The following TATDN2 variants were observed in gnomAD, a reference collection of about 807,000 sequenced individuals.
TATDN2 encodes the protein TatD DNase domain containing 2.
In TATDN2, 44 loss-of-function variants were observed where a neutral mutation model predicts 60.3. The observed-to-expected ratio is 0.73, with a 90% confidence interval of 0.57 to 0.94. TATDN2 has a LOEUF of 0.94. TATDN2 is among the 40% of genes least tolerant of loss of function. The pLI is 0.00. For missense variants in TATDN2, 997 were observed against 948.0 expected (o/e 1.05, Z -0.68); for synonymous variants, 399 against 355.8 (o/e 1.12, Z -1.37).
intron 3 of TATDN2, 86 bp from the exon 4 acceptor site, chr3:10,270,045 A>G: frequency 6.7e-7 from 1 of 1,503,428 alleles, no homozygotes. Flanking sequence ...AGAACAAGCC[A>G]GGGTTTATGT....
At position 10,280,295 on chromosome 3, in the gene TATDN2, T is replaced by C. The variant is rs998724840; in HGVS notation, c.*1113T>C. ...GGCTTTGCCTCTCCTGTGTCCTGTC[T>C]TTCTGCGTTTTAGAAGTGAGAGCCT... On this transcript the variant is annotated 3_prime_UTR_variant, in exon 8 of 8. Transcript: ENST00000448281. 3 of 153,862 alleles carry C rather than the reference T, an allele frequency of 1.9e-5. No homozygotes were observed. The highest frequency in any genetic ancestry group is 7.2e-5 in the African/African-American group (3 of 41,462). 9.5% of individuals were successfully genotyped at this position (153,862 alleles called of 1,614,324 possible). A position where few individuals can be genotyped will look rare whatever the true frequency, so the allele number is the denominator to read the frequency against.
intron 4 of TATDN2, among the ~76,000 whole-genome samples, chr3:10,272,432 C>T (rs1698579922): frequency 7.5e-6 from 1 of 133,648 alleles, no homozygotes; most frequent in Non-Finnish European, 1.6e-5. Flanking sequence ...TGCCACCACA[C>T]CCGGCTAATT....
At chr3:10,264,793 C>T (rs1698453400) in intron 3 of TATDN2, among the ~76,000 whole-genome samples, 1 of 151,920 alleles carries the variant, frequency 6.6e-6, no homozygotes. Flanking sequence ...ATTCTCCCGC[C>T]TCAGACCCCT....
At chr3:10,268,265 T>G (rs575531750) in intron 3 of TATDN2, among the ~76,000 whole-genome samples, 12 of 152,366 alleles carry the variant, frequency 7.9e-5, no homozygotes, top group African/African-American at 2.9e-4. Context: ...CATTTAAGTG[T>G]TGGTTACTAA....
chr3:10,280,902 C>T lies in TATDN2; in HGVS notation c.*1720C>T, dbSNP rs1002920638. The T allele has an allele frequency of 1.3e-5, 2 of 152,788 alleles. No homozygotes were observed. Among genetic ancestry groups the T allele is most frequent in the Non-Finnish European group, 2.9e-5 (2 of 68,076 alleles). 9.5% of individuals were successfully genotyped at this position (152,788 alleles called of 1,614,324 possible). A position where few individuals can be genotyped will look rare whatever the true frequency, so the allele number is the denominator to read the frequency against. ...CAGCAAGCCCTGAAGTCAGTAGTGC[C>T]TGCAGGTGAAACCAACCAGCCCTGT... On this transcript the variant is annotated 3_prime_UTR_variant, in exon 8 of 8. Coordinates refer to ENST00000448281, the MANE Select transcript of TATDN2 (RefSeq NM_014760.4).
At chr3:10,272,664 C>T (rs983919336) in intron 4 of TATDN2, among the ~76,000 whole-genome samples, 1 of 152,064 alleles carries the variant, frequency 6.6e-6, no homozygotes, top group Non-Finnish European at 1.5e-5. Flanking sequence ...CCGAGGCAGG[C>T]GGATCACCTG....
intron 3 of TATDN2, among the ~76,000 whole-genome samples, chr3:10,264,374 C>G (rs1332028818): frequency 6.6e-6 from 1 of 152,156 alleles, no homozygotes; most frequent in Non-Finnish European, 1.5e-5. Flanking sequence ...TCACTGTAGT[C>G]TCTTGTTCTT....
intron 3 of TATDN2, among the ~76,000 whole-genome samples, chr3:10,266,700 A>G (rs562021181): frequency 2.6e-5 from 4 of 152,348 alleles, no homozygotes; most frequent in South Asian, 2.1e-4. Context: ...CTGTATTCCA[A>G]TGAAACCTTA....
intron 2 of TATDN2, among the ~76,000 whole-genome samples, chr3:10,252,807 A>G (rs1698251534): frequency 6.7e-6 from 1 of 148,636 alleles, no homozygotes; most frequent in East Asian, 2.0e-4. Context: ...CTCCTGCCTC[A>G]GCCTCCCAAG....
At chr3:10,276,591 CT>C (rs796762547) in intron 5 of TATDN2, 103 bp downstream of exon 5, 125,150 of 1,046,632 alleles carry the variant, frequency 0.12, no homozygotes, top group South Asian at 0.14. Context: ...ACTATCTATT[CT>C]TTTTTTTTTT....
At position 10,278,604 on chromosome 3, in the gene TATDN2, A is replaced by T; in HGVS notation, c.2145+142A>T. The T allele has an allele frequency of 1.7e-6, 2 of 1,174,562 alleles. No homozygotes were observed. The highest frequency in any genetic ancestry group is 2.5e-6 in the Non-Finnish European group (2 of 799,238). The allele number at this position is 1,174,562 out of a possible 1,614,324, so 72.8% of individuals were successfully genotyped here. A position where few individuals can be genotyped will look rare whatever the true frequency, so the allele number is the denominator to read the frequency against. ...GCTGTGTAGATGCCTCCTTGCTGTT[A>T]CTCTGCAGAACCAAAAGTCTAGGGG... is the stretch of plus-strand genomic sequence containing the variant. On this transcript the variant is annotated intron_variant, in intron 6 of 7. Transcript: ENST00000448281. The surrounding 1 kb of genome is among the most constrained non-coding windows in gnomAD (Gnocchi z 4.7).
chr3:10,265,379 A>G (rs1227883307), intron 3 of TATDN2, among the ~76,000 whole-genome samples: 1 of 174 alleles, frequency 5.7e-3, no homozygotes, highest in South Asian at 0.12. Flanking sequence ...GCCCGGCCAG[A>G]ACTTTAAAAA....
chr3:10,259,100 G>C (rs1355143446), intron 2 of TATDN2, among the ~76,000 whole-genome samples: 1 of 152,198 alleles, frequency 6.6e-6, no homozygotes, highest in African/African-American at 2.4e-5. Context: ...TTGAACTCCT[G>C]AGCCTAAGTG....
chr3:10,279,098 C>G, intron 7 of TATDN2, 35 bp downstream of exon 7: 1 of 1,543,216 alleles, frequency 6.5e-7, no homozygotes. Context: ...TTTTAAAAAC[C>G]AGGACAAGTC....
At chr3:10,256,143 C>G (rs1698304841) in intron 2 of TATDN2, among the ~76,000 whole-genome samples, 1 of 152,108 alleles carries the variant, frequency 6.6e-6, no homozygotes. Flanking sequence ...CTCCAGGAGG[C>G]AGACGTTCTT....
chr3:10,253,855 T>C (rs948649889), intron 2 of TATDN2, among the ~76,000 whole-genome samples: 2 of 152,330 alleles, frequency 1.3e-5, no homozygotes, highest in East Asian at 1.9e-4. Flanking sequence ...ACCAAGGCCA[T>C]GCAGCTGGTA....
intron 2 of TATDN2, among the ~76,000 whole-genome samples, chr3:10,258,235 T>A (rs1043420908): frequency 2.0e-5 from 3 of 152,016 alleles, no homozygotes; most frequent in African/African-American, 7.2e-5. Flanking sequence ...CGGAAAAAAA[T>A]TTCAAATGAT....
chr3:10,249,375 A>G lies in TATDN2; in HGVS notation c.175A>G (p.Lys59Glu), dbSNP rs773787759. The G allele has an allele frequency of 2.5e-6, 4 of 1,613,154 alleles. No homozygotes were observed. In the African/African-American group the frequency reaches 4.0e-5, roughly 16 times the overall value. ...PSSPKRLKAQ[K>E]EDDVACSRRL... The stretch of plus-strand genomic sequence containing the variant: ...CAGCCCCAAGCGCCTGAAAGCCCAG[A>G]AGGAGGACGATGTGGCTTGCTCGCG... Residue 59 changes from lysine (K) to glutamate (E), a missense_variant, in exon 2 of 8, where the codon AAG becomes GAG. By Grantham distance (56) the Lys-to-Glu change is moderately conservative (BLOSUM62 1). Transcript: ENST00000448281.
chr3:10,252,427 C>T (rs189415723), intron 2 of TATDN2, among the ~76,000 whole-genome samples: 2 of 152,268 alleles, frequency 1.3e-5, no homozygotes, highest in Admixed American at 1.3e-4. Context: ...TCTAGGACTG[C>T]TGAAGTCTCT....
Sources: allele counts gnomAD v4.1 joint callset (sites outside exome capture counted in the v4.1 genomes callset), GRCh38; gene constraint gnomAD v4.1.1; non-coding constraint Gnocchi (gnomAD v3.1); transcripts MANE v1.5; gene names NCBI Gene and HGNC (gene_info 2026-07-23, HGNC 2026-07-21).